Variants in LYRM4 observed in about 807,000 individuals in gnomAD.
LYRM4 encodes the protein LYR motif containing 4.
A neutral mutation model predicts 11.7 loss-of-function variants in LYRM4; 9 were observed. The ratio of observed to expected loss-of-function variants is 0.77; its 90% CI spans 0.46 to 1.34. LYRM4 has a LOEUF of 1.34. LYRM4 is among the 40% of genes most tolerant of loss of function. LYRM4 has a pLI of 0.00. For synonymous variants in LYRM4, 42 were observed against 40.4 expected, an observed-to-expected ratio of 1.04 and a Z score of -0.15; for missense variants, 133 against 112.5, an observed-to-expected ratio of 1.18 and a Z score of -0.82.
At chr6:5,104,177 G>A (rs1336022650), downstream of LYRM4, 1 of 152,274 alleles carries the variant, frequency 6.6e-6, no homozygotes, top group African/African-American at 2.4e-5. Context: ...TCTTCCAATC[G>A]AACTTACACA....
chr6:5,194,320 G>A (rs552113696), intron 2 of LYRM4, among the ~76,000 whole-genome samples: 1 of 152,272 alleles, frequency 6.6e-6, no homozygotes, highest in East Asian at 1.9e-4. Flanking sequence ...TAAGAGCAGA[G>A]GGTGGCACTA....
At chr6:5,112,474 C>T (rs930836479) in intron 2 of LYRM4, among the ~76,000 whole-genome samples, 20 of 152,208 alleles carry the variant, frequency 1.3e-4, no homozygotes, top group Admixed American at 9.2e-4. Flanking sequence ...AAGGCATACA[C>T]AGAACACAAT....
the LYRM4 span, among the ~76,000 whole-genome samples, chr6:5,094,088 G>A: frequency 6.6e-6 from 1 of 152,224 alleles, no homozygotes; most frequent in African/African-American, 2.4e-5. Context: ...GCAAGAATGA[G>A]CCACTATTGT....
intron 2 of LYRM4, among the ~76,000 whole-genome samples, chr6:5,151,083 A>ATTTTT (rs1316809168): frequency 1.0e-5 from 1 of 99,684 alleles, no homozygotes; most frequent in Non-Finnish European, 2.1e-5. Flanking sequence ...GTTTGTTTTG[A>ATTTTT]ATTTTTTTTT....
At position 5,260,702 on chromosome 6, in the gene LYRM4, G is replaced by C. The variant is rs957652932; in HGVS notation, c.32C>G (p.Ser11Cys). MAASSRAQVL[S>C]LYRAMLRESK... ...CTCTCTCAGCATCGCCCGGTACAGA[G>C]ATAACACTTGTGCGCGACTGGAGGC... The change falls in exon 1 of 3, where the codon TCT becomes TGT. Residue 11 changes from serine to cysteine, a missense_variant. Physicochemically the swap from Ser to Cys is moderately radical, Grantham distance 112. Transcript: ENST00000330636. 6.4e-6 allele frequency: 10 copies of C among 1,550,688 alleles called. No homozygotes were observed. Among genetic ancestry groups the C allele is most frequent in the African/African-American group, 1.4e-5 (1 of 73,402 alleles).
intron 1 of LYRM4, among the ~76,000 whole-genome samples, chr6:5,252,754 C>T (rs1480650037): frequency 1.3e-5 from 2 of 152,102 alleles, no homozygotes; most frequent in Non-Finnish European, 2.9e-5. Context: ...TGTGACTGCC[C>T]TTCTTCTTCC....
chr6:5,100,749 G>T (rs112473828), downstream of LYRM4, among the ~76,000 whole-genome samples: 3 of 152,236 alleles, frequency 2.0e-5, no homozygotes, highest in African/African-American at 7.2e-5. Context: ...GCCTGTGGAC[G>T]TGTGTTCCTG....
At chr6:5,144,651 A>G (rs797022276) in intron 2 of LYRM4, among the ~76,000 whole-genome samples, 1 of 150,184 alleles carries the variant, frequency 6.7e-6, no homozygotes, top group Non-Finnish European at 1.5e-5. Flanking sequence ...AAAAAAAAAA[A>G]AAAAGAAATA....
chr6:5,096,779 C>T, the LYRM4 span, among the ~76,000 whole-genome samples: 1 of 152,174 alleles, frequency 6.6e-6, no homozygotes, highest in African/African-American at 2.4e-5. Flanking sequence ...CCAAGCAAGC[C>T]GTTGGTCTCA....
chr6:5,063,243 C>T, the LYRM4 span, among the ~76,000 whole-genome samples: 1 of 152,068 alleles, frequency 6.6e-6, no homozygotes, highest in Non-Finnish European at 1.5e-5. Flanking sequence ...CTTCATCCAC[C>T]GACTAAAGCC....
rs183933429 is a variant in LYRM4, at chr6:5,151,613, A to G, written c.208-42122T>C. Among the ~76,000 whole-genome samples, 34 of 152,340 alleles carry G rather than the reference A, an allele frequency of 2.2e-4. No individual in the cohort carries two copies. In the East Asian group the frequency reaches 6.2e-3, roughly 28 times the overall value. On this transcript the variant is annotated intron_variant, in intron 2 of 2. Coordinates refer to ENST00000330636, the MANE Select transcript of LYRM4 (RefSeq NM_020408.6). ...CCTGTATCAATTCGCCAAGCATTTT[A>G]TCAGGAGGCAGCATGTTCTAATGGA... is the stretch of plus-strand genomic sequence containing the variant.
chr6:5,086,719 C>G, the LYRM4 span: 1 of 638,268 alleles, frequency 1.6e-6, no homozygotes, highest in African/African-American at 1.8e-5. Context: ...ACCGTCGACT[C>G]GCACCCCCGC....
chr6:5,234,647 A>C (rs35260393), intron 1 of LYRM4, among the ~76,000 whole-genome samples: 7,438 of 152,246 alleles, frequency 0.049, 591 homozygotes, highest in African/African-American at 0.16. Context: ...TTCAAAACCC[A>C]AGGTTCTACA....
the LYRM4 span, chr6:5,034,278 G>A: frequency 6.6e-6 from 1 of 152,230 alleles, no homozygotes; most frequent in Non-Finnish European, 1.5e-5. Context: ...CCTCTAGAAA[G>A]TGCTTCTATA....
chr6:5,234,118 T>G (rs913234781), intron 1 of LYRM4, among the ~76,000 whole-genome samples: 1 of 152,272 alleles, frequency 6.6e-6, no homozygotes, highest in African/African-American at 2.4e-5. Context: ...TCTATCATGA[T>G]GTAAAACATA....
At chr6:5,197,742 C>A (rs758028316) in intron 2 of LYRM4, among the ~76,000 whole-genome samples, 1 of 151,960 alleles carries the variant, frequency 6.6e-6, no homozygotes, top group Non-Finnish European at 1.5e-5. Context: ...TTTTGGAGGA[C>A]CTGAGCAAAG....
chr6:5,034,596 C>G, the LYRM4 span: 1 of 152,596 alleles, frequency 6.6e-6, no homozygotes, highest in Non-Finnish European at 1.5e-5. Context: ...ATGTGACTCG[C>G]CGGCTCCCCT....
intron 1 of LYRM4, among the ~76,000 whole-genome samples, chr6:5,230,132 T>C (rs985385805): frequency 1.3e-5 from 2 of 152,156 alleles, no homozygotes; most frequent in Non-Finnish European, 2.9e-5. Context: ...TTTTGTTGGG[T>C]TTTAGACGTG....
In LYRM4 at chr6:5,200,882, A is replaced by G. The variant is rs186526995; in HGVS notation, c.207+15736T>C. On this transcript the variant is annotated intron_variant, in intron 2 of 2. Transcript: ENST00000330636. The stretch of plus-strand genomic sequence containing the variant: ...GGGCTGATAACCACTGGTATAAGGT[A>G]AAAGTCCCGTCTTTGAAGATACCCT... Among the ~76,000 whole-genome samples the G allele has an allele frequency of 3.9e-5, 6 of 152,362 alleles. No individual in the cohort carries two copies. The East Asian group carries it at 1.2e-3, about 29-fold the overall frequency.
Sources: allele counts gnomAD v4.1 joint callset (sites outside exome capture counted in the v4.1 genomes callset), GRCh38; gene constraint gnomAD v4.1.1; transcripts MANE v1.5; gene names NCBI Gene and HGNC (gene_info 2026-07-23, HGNC 2026-07-21).